Variants in DLGAP2 observed in about 807,000 individuals in gnomAD.
DLGAP2 encodes the protein disks large-associated protein 2.
Under a neutral mutation model 100.3 loss-of-function variants are expected in DLGAP2, and 26 were observed. That is an observed-to-expected ratio of 0.26 (90% CI 0.19 to 0.36). The LOEUF (loss-of-function observed/expected upper bound fraction) is 0.36, where lower values mean the gene tolerates loss of function less well. Among genes scored for constraint, DLGAP2 ranks in the 10% least tolerant of loss-of-function variants. The pLI is 1.00. For synonymous variants in DLGAP2, 886 were observed against 630.1 expected, an observed-to-expected ratio of 1.41 and a Z score of -6.08; for missense variants, 1,858 against 1,453.2, an observed-to-expected ratio of 1.28 and a Z score of -4.53.
chr8:1,414,811 C>G (rs1229489275), intron 3 of DLGAP2, among the ~76,000 whole-genome samples: 1 of 152,154 alleles, frequency 6.6e-6, no homozygotes, highest in Non-Finnish European at 1.5e-5. Flanking sequence ...GAGTTTGAGA[C>G]CAGCCTGGCC....
At chr8:1,300,871 G>A (rs1800319590) in intron 3 of DLGAP2, 1 of 152,204 alleles carries the variant, frequency 6.6e-6, no homozygotes, top group Admixed American at 6.5e-5. Flanking sequence ...TATTATCTAA[G>A]CAAGTATTTC....
intron 3 of DLGAP2, chr8:1,297,284 G>T (rs549388931): frequency 6.6e-6 from 1 of 152,262 alleles, no homozygotes; most frequent in Non-Finnish European, 1.5e-5. Context: ...GTAAACGTAC[G>T]TCAGAAAAAC....
chr8:1,339,179 A>C (rs192331735), intron 3 of DLGAP2, among the ~76,000 whole-genome samples: 1 of 148,428 alleles, frequency 6.7e-6, no homozygotes, highest in East Asian at 2.0e-4. Context: ...GACCTCAGCG[A>C]GGCGTCAGGA....
chr8:1,468,174 A>C (rs1798677517), intron 3 of DLGAP2, among the ~76,000 whole-genome samples: 1 of 152,162 alleles, frequency 6.6e-6, no homozygotes, highest in African/African-American at 2.4e-5. Context: ...CCCTTCTGAG[A>C]ACCTCCCCAG....
chr8:1,536,999 C>T (rs941234089), intron 4 of DLGAP2, among the ~76,000 whole-genome samples: 2 of 151,984 alleles, frequency 1.3e-5, no homozygotes, highest in South Asian at 2.1e-4. Context: ...AAGGCCGGTA[C>T]AATGATTACG....
rs561412107 is a variant in DLGAP2 at position 1,440,893 on chromosome 8, A to G, written c.107-60473A>G. 2.6e-5 allele frequency among the ~76,000 whole-genome samples: 4 copies of G among 152,326 alleles called. No homozygotes were observed. In the South Asian group the frequency reaches 8.3e-4, roughly 32 times the overall value. On this transcript the variant is annotated intron_variant, in intron 3 of 14. Coordinates refer to ENST00000637795, the MANE Select transcript of DLGAP2 (RefSeq NM_001346810.2). The stretch of plus-strand genomic sequence containing the variant: ...TAGGACATCCTAAACTGCTACTTTC[A>G]TGCCAAGTTTGGAGGACTGTCTTCT...
At chr8:1,116,430 T>G (rs993538970) in intron 2 of DLGAP2, among the ~76,000 whole-genome samples, 3 of 152,200 alleles carry the variant, frequency 2.0e-5, no homozygotes, top group Non-Finnish European at 4.4e-5. Flanking sequence ...CAAGAGGCAT[T>G]GAGGGTTTTC....
chr8:942,225 A>G (rs1046152355), intron 2 of DLGAP2, among the ~76,000 whole-genome samples: 2 of 152,222 alleles, frequency 1.3e-5, no homozygotes, highest in Non-Finnish European at 2.9e-5. Context: ...CTGGGATTAC[A>G]GGCAGGAGCC....
At chr8:1,172,712 C>G (rs554853084) in intron 2 of DLGAP2, among the ~76,000 whole-genome samples, 1 of 152,276 alleles carries the variant, frequency 6.6e-6, no homozygotes, top group South Asian at 2.1e-4. Flanking sequence ...ACATAGTTCC[C>G]GAGCCTTGGC....
chr8:1,169,321 C>T (rs1313095107), intron 2 of DLGAP2, among the ~76,000 whole-genome samples: 1 of 152,156 alleles, frequency 6.6e-6, no homozygotes, highest in African/African-American at 2.4e-5. Flanking sequence ...AGCGTGATGC[C>T]TCCAGCTTTG....
intron 2 of DLGAP2, among the ~76,000 whole-genome samples, chr8:1,086,548 C>T (rs1035364515): frequency 2.0e-5 from 3 of 152,052 alleles, no homozygotes; most frequent in African/African-American, 7.2e-5. Flanking sequence ...GAAGGACACA[C>T]AGCCTGAGAG....
chr8:1,426,897 GA>G (rs10717992), intron 3 of DLGAP2, among the ~76,000 whole-genome samples: 33,050 of 151,898 alleles, frequency 0.22, 3,968 homozygotes, highest in Middle Eastern at 0.29. Context: ...TATGAAAGGG[GA>G]AAAAAATAAC....
At chr8:1,430,027 T>TATATATATATATATATGC (rs1282725274) in intron 3 of DLGAP2, among the ~76,000 whole-genome samples, 1 of 76,888 alleles carries the variant, frequency 1.3e-5, no homozygotes, top group Non-Finnish European at 2.5e-5. Context: ...TATATATATA[T>TATATATATATATATATGC]ACACACACAC....
intron 4 of DLGAP2, among the ~76,000 whole-genome samples, chr8:1,535,776 G>T (rs980623016): frequency 6.6e-6 from 1 of 152,228 alleles, no homozygotes; most frequent in Admixed American, 6.5e-5. Context: ...AGGACACATT[G>T]TTGAGCATCG....
intron 2 of DLGAP2, among the ~76,000 whole-genome samples, chr8:928,561 C>G (rs1798870065): frequency 6.6e-6 from 1 of 151,940 alleles, no homozygotes; most frequent in Admixed American, 6.6e-5. Flanking sequence ...GCAAAGGCAT[C>G]TGTGAAGGGT....
At position 1,653,181 on chromosome 8, in the gene DLGAP2, G is replaced by C. The variant is rs571249752; in HGVS notation, c.1811-15148G>C. On this transcript the variant is annotated intron_variant, in intron 8 of 14. Transcript: ENST00000637795. Reference sequence around the variant, plus strand: ...TTCTTAGTGCTGGCCCTGTGGGTGGGGTAGGGAGCCGACAATCCTCACCAC... The same window carrying C: ...TTCTTAGTGCTGGCCCTGTGGGTGGCGTAGGGAGCCGACAATCCTCACCAC... Among the ~76,000 whole-genome samples, 4 of 152,262 alleles carry C rather than the reference G, an allele frequency of 2.6e-5. No individual in the cohort carries two copies. In the South Asian group the frequency reaches 8.3e-4, roughly 32 times the overall value.
rs114378901 is a variant in DLGAP2, at chr8:1,179,511, C to G, written c.74-79340C>G. On this transcript the variant is annotated intron_variant, in intron 2 of 14. Transcript: ENST00000637795. Reference sequence around the variant, plus strand: ...ACGTGGCTGCCCCACAGGCACCTGGCTGCTGGGATGAGGCTTCCACCTCTC... The same window carrying G: ...ACGTGGCTGCCCCACAGGCACCTGGGTGCTGGGATGAGGCTTCCACCTCTC... 2.1e-3 allele frequency among the ~76,000 whole-genome samples: 324 copies of G among 152,384 alleles called. 2 individuals carry two copies. The highest frequency in any genetic ancestry group is 7.2e-3 in the African/African-American group (299 of 41,596).
chr8:749,763 G>A (rs1820744532), intron 1 of DLGAP2, among the ~76,000 whole-genome samples: 1 of 152,250 alleles, frequency 6.6e-6, no homozygotes. Context: ...ACCACAGATC[G>A]GGTGCCCGAA....
intron 2 of DLGAP2, among the ~76,000 whole-genome samples, chr8:1,126,648 C>G (rs891017555): frequency 7.9e-5 from 12 of 152,102 alleles, no homozygotes; most frequent in African/African-American, 2.9e-4. Context: ...GGCTTAGACT[C>G]CCGCTGTGGG....
Sources: allele counts gnomAD v4.1 joint callset (sites outside exome capture counted in the v4.1 genomes callset), GRCh38; gene constraint gnomAD v4.1.1; transcripts MANE v1.5; gene names NCBI Gene and HGNC (gene_info 2026-07-23, HGNC 2026-07-21).